The following NOTCH2 variants were observed in gnomAD, a reference collection of about 807,000 sequenced individuals.
NOTCH2 encodes the protein notch receptor 2, also known as neurogenic locus notch homolog protein 2.
A neutral mutation model predicts 235.8 loss-of-function variants in NOTCH2; 29 were observed. That is an observed-to-expected ratio of 0.12 (90% CI 0.09 to 0.17). The LOEUF (loss-of-function observed/expected upper bound fraction) is 0.17. NOTCH2 is among the 10% of genes least tolerant of loss of function. The pLI is 1.00. For missense variants in NOTCH2, 2,285 were observed against 3,150.2 expected (o/e 0.73, Z 6.57); for synonymous variants, 1,086 against 1,141.5 (o/e 0.95, Z 0.98).
At chr1:120,017,714 G>A (rs1385319868) in intron 2 of NOTCH2, among the ~76,000 whole-genome samples, 1 of 146,884 alleles carries the variant, frequency 6.8e-6, no homozygotes, top group Non-Finnish European at 1.5e-5. Context: ...CCAACTCCAT[G>A]CAAAGTAGAT....
intron 17 of NOTCH2, among the ~76,000 whole-genome samples, 171 bp downstream of exon 17, chr1:119,948,243 A>G (rs1463570949): frequency 6.6e-6 from 1 of 152,246 alleles, no homozygotes; most frequent in Admixed American, 6.5e-5. Context: ...TCAATTCCCA[A>G]GGACACTAGC....
At chr1:120,067,246 T>C (rs60635752) in intron 1 of NOTCH2, among the ~76,000 whole-genome samples, 8,292 of 126,652 alleles carry the variant, frequency 0.065, 401 homozygotes, top group African/African-American at 0.15. Context: ...AGAAACGGCT[T>C]CTAAATCTCT....
At chr1:120,030,601 T>A in intron 1 of NOTCH2, among the ~76,000 whole-genome samples, 9 of 108,504 alleles carry the variant, frequency 8.3e-5, no homozygotes, top group East Asian at 2.5e-4. Flanking sequence ...AGATGGGGAG[T>A]AGATCATGAA....
intron 5 of NOTCH2, among the ~76,000 whole-genome samples, chr1:119,986,651 AATGTCC>A (rs1652029696): frequency 1.3e-5 from 2 of 152,268 alleles, no homozygotes; most frequent in South Asian, 4.2e-4. Context: ...TGTTCCAGGT[AATGTCC>A]TGCTTTTCCC....
At chr1:119,968,490 C>A (rs1553199985) in intron 6 of NOTCH2, among the ~76,000 whole-genome samples, 1 of 152,150 alleles carries the variant, frequency 6.6e-6, no homozygotes, top group Non-Finnish European at 1.5e-5. Flanking sequence ...ATCTACAGGC[C>A]AGAAGATAAG....
At chr1:120,066,272 T>C (rs1655503065) in intron 1 of NOTCH2, among the ~76,000 whole-genome samples, 1 of 150,432 alleles carries the variant, frequency 6.6e-6, no homozygotes, top group Non-Finnish European at 1.5e-5. Context: ...TACACACACC[T>C]GAAGGTAAAA....
intron 11 of NOTCH2, among the ~76,000 whole-genome samples, chr1:119,962,361 T>G (rs1353641844): frequency 6.6e-6 from 1 of 152,204 alleles, no homozygotes; most frequent in Non-Finnish European, 1.5e-5. Context: ...CTTTTCCTAC[T>G]ATAATTTCTC....
intron 21 of NOTCH2, among the ~76,000 whole-genome samples, chr1:119,937,047 C>A (rs1649878298): frequency 6.6e-6 from 1 of 152,086 alleles, no homozygotes; most frequent in Admixed American, 6.5e-5. Context: ...ATCCTAAAAG[C>A]AAGCCTAAGG....
intron 3 of NOTCH2, among the ~76,000 whole-genome samples, chr1:120,004,706 C>A (rs1652892913): frequency 1.3e-5 from 2 of 152,246 alleles, no homozygotes; most frequent in African/African-American, 4.8e-5. Flanking sequence ...ATAACTTCAG[C>A]AACTTTTCCT....
At position 119,966,382 on chromosome 1, in the gene NOTCH2, G is replaced by A. The variant is rs587640013; in HGVS notation, c.1561C>T (p.Pro521Ser). 4 of 1,611,732 alleles carry A rather than the reference G, an allele frequency of 2.5e-6. No homozygotes were observed. The South Asian group carries it at 4.4e-5, about 18-fold the overall frequency. The stretch of plus-strand genomic sequence containing the variant: ...CCAGGTCGTGGGCACTTACCAGGAG[G>A]ACACAGGCACTGGAAACGATTGACT... ...DKVNRFQCLC[P>S]PGFTGPVCQI... The change falls in exon 9 of 34, where the codon CCT (proline) becomes TCT (serine). Residue 521 changes from proline to serine, a missense_variant. Coordinates refer to ENST00000256646, the MANE Select transcript of NOTCH2 (RefSeq NM_024408.4).
intron 2 of NOTCH2, among the ~76,000 whole-genome samples, chr1:120,015,316 C>T (rs1653395666): frequency 1.3e-5 from 2 of 152,186 alleles, no homozygotes; most frequent in Non-Finnish European, 2.9e-5. Flanking sequence ...CTTGGCCCCC[C>T]AATCCGCAGT....
At chr1:119,971,281 G>A (rs1041694388) in intron 5 of NOTCH2, among the ~76,000 whole-genome samples, 3 of 152,170 alleles carry the variant, frequency 2.0e-5, no homozygotes, top group South Asian at 4.1e-4. Context: ...GGATGTCTCC[G>A]GAACTCCGTG....
chr1:120,017,849 T>C (rs1377959483), intron 2 of NOTCH2, among the ~76,000 whole-genome samples: 2 of 151,410 alleles, frequency 1.3e-5, no homozygotes, highest in Admixed American at 1.3e-4. Flanking sequence ...CTTTTATTAG[T>C]CTTTCATCGG....
At chr1:119,926,456 G>C (rs1431058705) in intron 24 of NOTCH2, 43 bp downstream of exon 24, 14 of 1,368,596 alleles carry the variant, frequency 1.0e-5, no homozygotes, top group Non-Finnish European at 1.3e-5. Context: ...AGATTGTATG[G>C]AAGAGACAAT....
intron 22 of NOTCH2, among the ~76,000 whole-genome samples, chr1:119,933,400 C>A (rs879963361): frequency 6.6e-6 from 1 of 152,124 alleles, no homozygotes. Context: ...AAATACTGTT[C>A]CACATACCTA....
At chr1:119,963,899 A>G in intron 10 of NOTCH2, 92 bp from the exon 11 acceptor site, 4 of 1,086,736 alleles carry the variant, frequency 3.7e-6, no homozygotes, top group Non-Finnish European at 5.6e-6. Flanking sequence ...TACTCTACAC[A>G]TTCGATGTGT....
At position 119,916,135 on chromosome 1, in the gene NOTCH2, T is replaced by C. The variant is rs1322871085; in HGVS notation, c.6587A>G (p.Gln2196Arg). 3 of 1,613,888 alleles carry C rather than the reference T, an allele frequency of 1.9e-6. No individual in the cohort carries two copies. In the South Asian group the frequency reaches 3.3e-5, roughly 18 times the overall value. Residue 2196 changes from glutamine to arginine, a missense_variant, in exon 34 of 34, where the codon CAG becomes CGG. Around this residue, in one of 6 missense-constraint regions of NOTCH2, gnomAD observed 504 missense variants for 538.0 expected, o/e 0.94. Transcript: ENST00000256646. ...TAAPPAPVHAQHALSFSNLHE... is the reference protein window; with the variant it reads ...TAAPPAPVHARHALSFSNLHE... ...AAGGTTAGAAAAAGATAGTGCATGC[T>C]GGGCATGGACTGGGGCAGGAGGGGC... is the stretch of plus-strand genomic sequence containing the variant.
At chr1:119,974,760 C>T (rs191552140) in intron 5 of NOTCH2, among the ~76,000 whole-genome samples, 1 of 152,324 alleles carries the variant, frequency 6.6e-6, no homozygotes, top group Non-Finnish European at 1.5e-5. Flanking sequence ...TCCAAATGCA[C>T]ATCTCCTCAT....
intron 11 of NOTCH2, among the ~76,000 whole-genome samples, chr1:119,961,413 G>A (rs1356773187): frequency 6.6e-6 from 1 of 152,138 alleles, no homozygotes; most frequent in Non-Finnish European, 1.5e-5. Flanking sequence ...CCAGCCCCCT[G>A]TCCATGGTTT....
Sources: gnomAD v4.1 joint callset for allele counts (sites outside exome capture counted in the v4.1 genomes callset) on GRCh38, gnomAD v4.1.1 for gene constraint, gnomAD v4.1.1 regional missense constraint, MANE v1.5 for transcripts, NCBI Gene and HGNC (gene_info 2026-07-23, HGNC 2026-07-21) for gene names.